The following UGGT2 variants were observed in gnomAD, a reference collection of about 807,000 sequenced individuals.
UGGT2 encodes UDP-glucose glycoprotein glucosyltransferase 2, also known as UDP-glucose:glycoprotein glucosyltransferase 2.
In UGGT2, 180 loss-of-function variants were observed where a neutral mutation model predicts 192.1. That is an observed-to-expected ratio of 0.94 (90% confidence interval 0.83 to 1.06). The LOEUF is 1.06. Ranked by LOEUF, UGGT2 falls within the 50% of genes least tolerant of loss-of-function variation. The pLI, the probability that UGGT2 is intolerant of heterozygous loss-of-function variation, is 0.00. For synonymous variants in UGGT2, 580 were observed against 591.0 expected, an observed-to-expected ratio of 0.98 and a Z score of 0.27; for missense variants, 1,849 against 1,795.7, an observed-to-expected ratio of 1.03 and a Z score of -0.54.
intron 1 of UGGT2, among the ~76,000 whole-genome samples, chr13:96,037,352 C>A (rs2053035213): frequency 6.6e-6 from 1 of 152,168 alleles, no homozygotes; most frequent in Non-Finnish European, 1.5e-5. Flanking sequence ...GCATGTGCCA[C>A]CACACGCAGC....
intron 5 of UGGT2, among the ~76,000 whole-genome samples, chr13:96,010,890 A>G (rs1378242696): frequency 6.6e-6 from 1 of 152,236 alleles, no homozygotes; most frequent in Admixed American, 6.5e-5. Flanking sequence ...TAAAGTAATC[A>G]AGCAGTGTAG....
intron 12 of UGGT2, among the ~76,000 whole-genome samples, chr13:95,956,456 A>G (rs921879335): frequency 2.6e-5 from 4 of 152,248 alleles, no homozygotes; most frequent in Non-Finnish European, 5.9e-5. Context: ...AAGGACTCCT[A>G]CAACTCAACA....
At chr13:95,973,134 C>T (rs1482452381) in intron 10 of UGGT2, among the ~76,000 whole-genome samples, 1 of 152,060 alleles carries the variant, frequency 6.6e-6, no homozygotes, top group Non-Finnish European at 1.5e-5. Context: ...TGCACCATTG[C>T]ACTCCAGCCT....
chr13:95,980,937 G>A (rs966263395), intron 10 of UGGT2, among the ~76,000 whole-genome samples: 3 of 152,212 alleles, frequency 2.0e-5, no homozygotes, highest in Admixed American at 2.0e-4. Context: ...GGCAGAGGCT[G>A]CAGTGAGCCA....
chr13:95,960,387 T>C (rs963227547), intron 12 of UGGT2, among the ~76,000 whole-genome samples: 1 of 152,134 alleles, frequency 6.6e-6, no homozygotes, highest in East Asian at 1.9e-4. Context: ...CAGAACCAAA[T>C]AGAAAATTCA....
intron 17 of UGGT2, among the ~76,000 whole-genome samples, chr13:95,928,139 C>T (rs1402427573): frequency 6.6e-6 from 1 of 152,330 alleles, no homozygotes; most frequent in East Asian, 1.9e-4. Context: ...TCGACAAAAC[C>T]GCCATCGTCA....
intron 38 of UGGT2, among the ~76,000 whole-genome samples, chr13:95,816,755 C>T (rs1884937975): frequency 6.6e-6 from 1 of 152,134 alleles, no homozygotes; most frequent in African/African-American, 2.4e-5. Flanking sequence ...AGGTGAATTG[C>T]AGAGCTGCAT....
At chr13:95,989,251 T>C (rs1428652521) in intron 8 of UGGT2, among the ~76,000 whole-genome samples, 5 of 152,128 alleles carry the variant, frequency 3.3e-5, no homozygotes, top group Non-Finnish European at 7.4e-5. Context: ...ATTATTTACA[T>C]CACTAATGTC....
chr13:95,877,803 T>TC lies in UGGT2; in HGVS notation c.3281dup (p.Gln1095ThrfsTer4), dbSNP rs2047384361. 1.9e-6 allele frequency: 3 copies of TC among 1,614,060 alleles called. No individual in the cohort carries two copies. Among genetic ancestry groups the TC allele is most frequent in the Non-Finnish European group, 2.5e-6 (3 of 1,179,986 alleles). Reference sequence around the variant, plus strand: ...GTTCTGTCACTTTATCAAAGCATTGTCCTTCCAGTAGTAAGTATTCTAGTT... The same window carrying TC: ...GTTCTGTCACTTTATCAAAGCATTGTCCCTTCCAGTAGTAAGTATTCTAGTT... On this transcript the variant is annotated frameshift_variant, in exon 28 of 39. Transcript: ENST00000376747. LOFTEE classifies it high-confidence loss of function.
At chr13:95,836,237 AT>A in intron 37 of UGGT2, among the ~76,000 whole-genome samples, 1 of 152,178 alleles carries the variant, frequency 6.6e-6, no homozygotes, top group African/African-American at 2.4e-5. Flanking sequence ...TTTAGTAGAG[AT>A]GGGGTTTCAT....
At chr13:95,945,694 T>C (rs1350351922) in intron 15 of UGGT2, among the ~76,000 whole-genome samples, 3 of 152,158 alleles carry the variant, frequency 2.0e-5, no homozygotes, top group African/African-American at 7.2e-5. Context: ...ATCTTGAATC[T>C]TAATAAAAGA....
chr13:95,831,108 C>G (rs896123052), intron 38 of UGGT2, among the ~76,000 whole-genome samples: 5 of 151,644 alleles, frequency 3.3e-5, no homozygotes, highest in Non-Finnish European at 7.4e-5. Context: ...GTGGGGAACA[C>G]CATACACTGG....
chr13:95,994,472 G>GT (rs1028254904), intron 7 of UGGT2, among the ~76,000 whole-genome samples: 8 of 151,432 alleles, frequency 5.3e-5, no homozygotes, highest in African/African-American at 1.9e-4. Context: ...AATTTAGGCA[G>GT]TTTTTTCTTG....
chr13:95,970,378 A>G, intron 11 of UGGT2, 116 bp from the exon 12 acceptor site: 2 of 869,882 alleles, frequency 2.3e-6, no homozygotes, highest in Non-Finnish European at 3.5e-6. Context: ...CTTCATTAAT[A>G]GCAGGAAAAA....
chr13:96,008,822 T>C (rs984856716), intron 5 of UGGT2, among the ~76,000 whole-genome samples: 3 of 152,216 alleles, frequency 2.0e-5, no homozygotes, highest in Admixed American at 1.3e-4. Flanking sequence ...ATTTACAGAT[T>C]CAAGGCTATT....
intron 1 of UGGT2, among the ~76,000 whole-genome samples, chr13:96,040,460 C>T (rs2053132757): frequency 6.6e-6 from 1 of 152,126 alleles, no homozygotes; most frequent in Admixed American, 6.5e-5. Context: ...CCAAGATGAT[C>T]TCATCTCAAG....
At chr13:95,886,057 G>T (rs752794723) in intron 26 of UGGT2, among the ~76,000 whole-genome samples, 4 of 152,172 alleles carry the variant, frequency 2.6e-5, no homozygotes, top group Non-Finnish European at 4.4e-5. Context: ...AGATCCACAA[G>T]AGAGAATATG....
At chr13:96,040,866 C>T (rs1297299768) in intron 1 of UGGT2, among the ~76,000 whole-genome samples, 1 of 152,092 alleles carries the variant, frequency 6.6e-6, no homozygotes, top group East Asian at 1.9e-4. Context: ...CTGTAACAAG[C>T]AGTCTAAGGC....
chr13:95,930,810 C>G (rs942582080), intron 17 of UGGT2, among the ~76,000 whole-genome samples: 7 of 152,118 alleles, frequency 4.6e-5, no homozygotes, highest in Non-Finnish European at 1.0e-4. Context: ...TTCTGATGTT[C>G]AGATGTGTTC....
Sources: allele counts gnomAD v4.1 joint callset (sites outside exome capture counted in the v4.1 genomes callset), GRCh38; gene constraint gnomAD v4.1.1; transcripts MANE v1.5; gene names NCBI Gene and HGNC (gene_info 2026-07-23, HGNC 2026-07-21).